Variants in TTLL7 observed in about 807,000 individuals in gnomAD.
TTLL7 encodes tubulin tyrosine ligase like 7.
In TTLL7, 53 loss-of-function variants were observed where a neutral mutation model predicts 120.2. The ratio of observed to expected loss-of-function variants is 0.44; its 90% CI spans 0.35 to 0.55. The LOEUF (loss-of-function observed/expected upper bound fraction) is 0.55. TTLL7 is among the 20% of genes least tolerant of loss of function. TTLL7 has a pLI of 0.00. For missense variants in TTLL7, 803 were observed against 1,054.7 expected, an observed-to-expected ratio of 0.76 and a Z score of 3.31; for synonymous variants, 353 against 351.7, an observed-to-expected ratio of 1.00 and a Z score of -0.04.
intron 1 of TTLL7, among the ~76,000 whole-genome samples, chr1:83,977,213 A>C (rs941983067): frequency 2.6e-5 from 4 of 152,104 alleles, no homozygotes; most frequent in Non-Finnish European, 4.4e-5. Flanking sequence ...ACAATATATA[A>C]ATTTCAGTAA....
At chr1:83,911,883 G>A (rs1054983203) in intron 14 of TTLL7, among the ~76,000 whole-genome samples, 1 of 151,776 alleles carries the variant, frequency 6.6e-6, no homozygotes, top group South Asian at 2.1e-4. Flanking sequence ...GAGAAAGAGA[G>A]ACAAAAAGGA....
At chr1:83,872,787 C>T (rs559393133) in intron 20 of TTLL7, among the ~76,000 whole-genome samples, 1 of 152,270 alleles carries the variant, frequency 6.6e-6, no homozygotes, top group South Asian at 2.1e-4. Context: ...CAGCACTATT[C>T]GAATTGCTTT....
chr1:83,960,742 C>T (rs951731620), intron 1 of TTLL7, among the ~76,000 whole-genome samples: 3 of 152,044 alleles, frequency 2.0e-5, no homozygotes, highest in Admixed American at 2.0e-4. Flanking sequence ...GCTCCTATTT[C>T]TGTCCTTTCT....
intron 1 of TTLL7, among the ~76,000 whole-genome samples, chr1:83,971,048 C>A (rs1055347942): frequency 4.1e-4 from 63 of 151,970 alleles, no homozygotes; most frequent in African/African-American, 1.5e-3. Flanking sequence ...CAAAGGCCTG[C>A]AGACTCAAGG....
chr1:83,948,369 G>A lies in TTLL7; in HGVS notation c.347+259C>T, dbSNP rs187696558. Among the ~76,000 whole-genome samples the A allele has an allele frequency of 6.6e-5, 10 of 152,288 alleles. No individual in the cohort carries two copies. In the East Asian group the frequency reaches 1.9e-3, roughly 29 times the overall value. Reference sequence around the variant, plus strand: ...CAGTAAAGAGGCCTGAGATTCTGGAGACTGATTCTGATCCACCTCTGCTAT... The same window carrying A: ...CAGTAAAGAGGCCTGAGATTCTGGAAACTGATTCTGATCCACCTCTGCTAT... On this transcript the variant is annotated intron_variant, in intron 5 of 20. Coordinates refer to ENST00000260505, the MANE Select transcript of TTLL7 (RefSeq NM_024686.6).
At chr1:83,942,731 T>C in intron 6 of TTLL7, 52 bp from the exon 7 acceptor site, 2 of 1,360,140 alleles carry the variant, frequency 1.5e-6, no homozygotes, top group South Asian at 2.7e-5. Flanking sequence ...AGCAAGGTGT[T>C]TAAAAAGTTA....
intron 18 of TTLL7, among the ~76,000 whole-genome samples, chr1:83,891,104 T>G (rs942715543): frequency 1.2e-4 from 18 of 152,000 alleles, no homozygotes; most frequent in African/African-American, 4.3e-4. Flanking sequence ...CTATGGACCA[T>G]AAAAGATTAA....
chr1:83,871,725 C>T (rs1653419782), intron 20 of TTLL7, among the ~76,000 whole-genome samples: 2 of 151,746 alleles, frequency 1.3e-5, no homozygotes, highest in Non-Finnish European at 2.9e-5. Flanking sequence ...GAAACCCTGT[C>T]TCTACTAAAA....
In TTLL7 at chr1:83,866,645, C is replaced by A. The variant is rs1422047605; in HGVS notation, c.*3317G>T. 6.6e-6 allele frequency: 1 copy of A among 151,870 alleles called. No individual in the cohort carries two copies. Among genetic ancestry groups the A allele is most frequent in the Non-Finnish European group, 1.5e-5 (1 of 67,810 alleles). The allele number at this position is 151,870 out of a possible 1,614,324, so 9.4% of individuals were successfully genotyped here. ...TTTGCATCTTACCGACAACCAAGGACATTCAACTATGTTCTAGGCAGAGTT... is the reference window on the plus strand; with the variant it reads ...TTTGCATCTTACCGACAACCAAGGAAATTCAACTATGTTCTAGGCAGAGTT... On this transcript the variant is annotated 3_prime_UTR_variant, in exon 21 of 21. Coordinates refer to ENST00000260505, the MANE Select transcript of TTLL7 (RefSeq NM_024686.6).
In TTLL7 at chr1:83,943,057, G is replaced by C. The variant is rs150772253; in HGVS notation, c.507-378C>G. On this transcript the variant is annotated intron_variant, in intron 6 of 20. Coordinates refer to ENST00000260505, the MANE Select transcript of TTLL7 (RefSeq NM_024686.6). Reference sequence around the variant, plus strand: ...GGCTATTCTTACGGTTAGTTGTTTTGACCTGTCTGGTGGCTTCCTGGAGGA... The same window carrying C: ...GGCTATTCTTACGGTTAGTTGTTTTCACCTGTCTGGTGGCTTCCTGGAGGA... 2.3e-3 allele frequency among the ~76,000 whole-genome samples: 351 copies of C among 152,220 alleles called. 1 individual carries two copies. Among genetic ancestry groups the C allele is most frequent in the Middle Eastern group, 0.01 (3 of 294 alleles).
chr1:83,960,674 T>C (rs1394032279), intron 1 of TTLL7, among the ~76,000 whole-genome samples: 5 of 152,138 alleles, frequency 3.3e-5, no homozygotes, highest in East Asian at 3.9e-4. Context: ...GGGAATCCTC[T>C]ACTTTTATAG....
chr1:83,925,964 T>C (rs1659071875), intron 10 of TTLL7, among the ~76,000 whole-genome samples: 1 of 151,730 alleles, frequency 6.6e-6, no homozygotes, highest in African/African-American at 2.4e-5. Flanking sequence ...CTACTAAAAA[T>C]ACAAAAATTA....
rs1157767574 is a variant in TTLL7 at position 83,881,745 on chromosome 1, C to A, written c.2543+1218G>T. Among the ~76,000 whole-genome samples, 5 of 150,862 alleles carry A rather than the reference C, an allele frequency of 3.3e-5. No individual in the cohort carries two copies. The South Asian group carries it at 1.1e-3, about 32-fold the overall frequency. ...CAGCCATCCCATTACTGGGTATATA[C>A]CCAAAGGACTATAAATCATGCTGCT... is the stretch of plus-strand genomic sequence containing the variant. On this transcript the variant is annotated intron_variant, in intron 20 of 20. Transcript: ENST00000260505.
chr1:83,931,277 A>G (rs1323881046), intron 9 of TTLL7, among the ~76,000 whole-genome samples: 1 of 152,122 alleles, frequency 6.6e-6, no homozygotes, highest in Non-Finnish European at 1.5e-5. Context: ...ACTGTCCTAA[A>G]AAGTTTTATC....
At chr1:83,957,782 GC>G (rs1649657517) in intron 1 of TTLL7, among the ~76,000 whole-genome samples, 2 of 152,164 alleles carry the variant, frequency 1.3e-5, no homozygotes, top group Admixed American at 1.3e-4. Flanking sequence ...TACGTTAAAA[GC>G]TGGAGCCCAA....
intron 5 of TTLL7, among the ~76,000 whole-genome samples, chr1:83,948,032 C>CT (rs1468069487): frequency 6.6e-6 from 1 of 152,088 alleles, no homozygotes; most frequent in Non-Finnish European, 1.5e-5. Flanking sequence ...GATTGTTACT[C>CT]TAAATATTGG....
At chr1:83,935,926 T>C (rs763436843) in intron 8 of TTLL7, among the ~76,000 whole-genome samples, 14 of 152,158 alleles carry the variant, frequency 9.2e-5, no homozygotes, top group Non-Finnish European at 1.6e-4. Flanking sequence ...TTTGACAAGA[T>C]AATTAAAATA....
At chr1:83,872,204 T>C (rs183012817) in intron 20 of TTLL7, among the ~76,000 whole-genome samples, 1 of 152,272 alleles carries the variant, frequency 6.6e-6, no homozygotes, top group Non-Finnish European at 1.5e-5. Flanking sequence ...TTACCTAATA[T>C]CACAAACTAT....
In TTLL7 at chr1:83,892,928, G is replaced by GAGAAAGAAAGAAAAGAA. The variant is rs150081804; in HGVS notation, c.2209-2448_2209-2447insTTCTTTTCTTTCTTTCT. ...AGGAAAAAGAAAAAAGAAAGAAAAA[G>GAGAAAGAAAGAAAAGAA]AGAAAGAAAGAAAGAAAGAAAGAAA... On this transcript the variant is annotated intron_variant, in intron 18 of 20. Transcript: ENST00000260505. 9.1e-3 allele frequency among the ~76,000 whole-genome samples: 937 copies of GAGAAAGAAAGAAAAGAA among 102,702 alleles called. 15 individuals carry two copies. The highest frequency in any genetic ancestry group is 0.011 in the Non-Finnish European group (652 of 56,944). 67.4% of individuals were successfully genotyped at this position (102,702 alleles called of 152,430 possible).
Sources: gnomAD v4.1 joint callset for allele counts (sites outside exome capture counted in the v4.1 genomes callset) on GRCh38, gnomAD v4.1.1 for gene constraint, MANE v1.5 for transcripts, NCBI Gene and HGNC (gene_info 2026-07-23, HGNC 2026-07-21) for gene names.